SLC39A11: variants seen among roughly 807,000 people sequenced by gnomAD.
The protein encoded by SLC39A11 is zinc transporter ZIP11.
In SLC39A11, 33 loss-of-function variants were observed where a neutral mutation model predicts 36.1. The observed-to-expected ratio is 0.91, with a 90% CI of 0.69 to 1.22. The LOEUF (loss-of-function observed/expected upper bound fraction) is 1.22. Ranked by LOEUF, SLC39A11 falls within the 50% of genes most tolerant of loss-of-function variation. SLC39A11 has a pLI of 0.00. For synonymous variants in SLC39A11, 166 were observed against 170.3 expected, an observed-to-expected ratio of 0.97 and a Z score of 0.20; for missense variants, 432 against 430.3, an observed-to-expected ratio of 1.00 and a Z score of -0.03.
chr17:73,055,360 T>C (rs2059631229), intron 3 of SLC39A11, among the ~76,000 whole-genome samples: 1 of 152,016 alleles, frequency 6.6e-6, no homozygotes, highest in Non-Finnish European at 1.5e-5. Context: ...TCTGCACAAT[T>C]GAGTCTCACC....
At chr17:73,003,231 C>T (rs1204473256) in intron 4 of SLC39A11, among the ~76,000 whole-genome samples, 1 of 152,180 alleles carries the variant, frequency 6.6e-6, no homozygotes, top group African/African-American at 2.4e-5. Context: ...TCAAAACTTA[C>T]AGTGGAAGAG....
chr17:72,941,875 T>A (rs1197866744), intron 5 of SLC39A11, among the ~76,000 whole-genome samples: 1 of 150,686 alleles, frequency 6.6e-6, no homozygotes, highest in East Asian at 1.9e-4. Context: ...TTTATTTATT[T>A]ATTTATTTAT....
chr17:72,736,819 C>T (rs951694864), intron 6 of SLC39A11, 100 bp from the exon 7 acceptor site: 77 of 980,888 alleles, frequency 7.9e-5, no homozygotes, highest in Non-Finnish European at 1.2e-4. Context: ...CATGAGGCTG[C>T]CAGTCAAAGA....
intron 5 of SLC39A11, among the ~76,000 whole-genome samples, chr17:72,899,607 C>T (rs555885089): frequency 5.3e-5 from 8 of 152,192 alleles, no homozygotes; most frequent in East Asian, 1.9e-4. Flanking sequence ...GGCAAATCAA[C>T]GAACTGGGGA....
chr17:72,951,312 T>A (rs1039823238), intron 4 of SLC39A11, among the ~76,000 whole-genome samples: 1 of 149,360 alleles, frequency 6.7e-6, no homozygotes, highest in Non-Finnish European at 1.5e-5. Context: ...GAGCTTCAGA[T>A]ACCTGCTTTA....
At chr17:72,650,042 A>G (rs983345280) in intron 7 of SLC39A11, among the ~76,000 whole-genome samples, 2 of 152,248 alleles carry the variant, frequency 1.3e-5, no homozygotes, top group East Asian at 3.8e-4. Context: ...CAGCACAGAA[A>G]TGAGTATATC....
chr17:73,032,299 C>G (rs190058696), intron 3 of SLC39A11, among the ~76,000 whole-genome samples: 1 of 151,898 alleles, frequency 6.6e-6, no homozygotes, highest in Non-Finnish European at 1.5e-5. Flanking sequence ...CTCCACCTCC[C>G]GGGTTCAAGT....
At chr17:72,706,578 C>T (rs889460064) in intron 7 of SLC39A11, among the ~76,000 whole-genome samples, 3 of 152,236 alleles carry the variant, frequency 2.0e-5, no homozygotes, top group Non-Finnish European at 4.4e-5. Flanking sequence ...TGTTGGTAAA[C>T]AGACCCAAGG....
intron 6 of SLC39A11, among the ~76,000 whole-genome samples, chr17:72,739,819 C>G (rs2074596095): frequency 6.6e-6 from 1 of 152,106 alleles, no homozygotes. Context: ...GACCCTTGAA[C>G]AATGCAGGGA....
intron 6 of SLC39A11, among the ~76,000 whole-genome samples, chr17:72,788,125 A>T (rs1168585196): frequency 6.6e-6 from 1 of 152,202 alleles, no homozygotes; most frequent in Non-Finnish European, 1.5e-5. Flanking sequence ...GCATTTAATA[A>T]GTCAGGTAGC....
At chr17:72,853,800 T>C (rs1304770805) in intron 5 of SLC39A11, among the ~76,000 whole-genome samples, 2 of 152,208 alleles carry the variant, frequency 1.3e-5, no homozygotes, top group South Asian at 2.1e-4. Flanking sequence ...ATGAATCTTC[T>C]TGCCGCTCCT....
chr17:72,809,199 T>TTCTCTCTCTCTCTCTCTCTCTCTC (rs66472539), intron 6 of SLC39A11, among the ~76,000 whole-genome samples: 37 of 102,194 alleles, frequency 3.6e-4, no homozygotes, highest in Non-Finnish European at 7.3e-4. Context: ...TTTCTTTTCT[T>TTCTCTCTCTCTCTCTCTCTCTCTC]TCTCTCTCTC....
At chr17:72,929,243 G>A (rs1266881861) in intron 5 of SLC39A11, among the ~76,000 whole-genome samples, 1 of 152,098 alleles carries the variant, frequency 6.6e-6, no homozygotes, top group East Asian at 1.9e-4. Flanking sequence ...AAGTGTCTGG[G>A]GCATTTCTGC....
chr17:72,769,816 T>C (rs542223884), intron 6 of SLC39A11, among the ~76,000 whole-genome samples: 2 of 152,330 alleles, frequency 1.3e-5, no homozygotes, highest in Admixed American at 1.3e-4. Flanking sequence ...GTGCTGGGAT[T>C]ACACCGAGCC....
chr17:72,892,247 A>G lies in SLC39A11; in HGVS notation c.431-42443T>C, dbSNP rs545991296. Among the ~76,000 whole-genome samples, 116 of 105,308 alleles carry G rather than the reference A, an allele frequency of 1.1e-3. 1 individual carries two copies. The highest frequency in any genetic ancestry group is 6.1e-3 in the African/African-American group (112 of 18,452). The allele number at this position is 105,308 out of a possible 152,430, so 69.1% of individuals were successfully genotyped here. On this transcript the variant is annotated intron_variant, in intron 5 of 9. Coordinates refer to ENST00000255559, the MANE Select transcript of SLC39A11 (RefSeq NM_139177.4). ...ACATGGTGAAACCCTGTCTCTACTA[A>G]AAGTAAAAAAAAATTAGTCAGGTGT...
At chr17:72,812,831 G>A (rs1296387727) in intron 6 of SLC39A11, among the ~76,000 whole-genome samples, 1 of 152,144 alleles carries the variant, frequency 6.6e-6, no homozygotes, top group African/African-American at 2.4e-5. Flanking sequence ...GCTTGGGGGG[G>A]TTTAGTTTTC....
intron 3 of SLC39A11, among the ~76,000 whole-genome samples, chr17:73,076,678 A>C (rs1394621944): frequency 6.6e-6 from 1 of 152,212 alleles, no homozygotes; most frequent in Non-Finnish European, 1.5e-5. Context: ...ACAGGATGGC[A>C]CATTTCACTG....
intron 3 of SLC39A11, among the ~76,000 whole-genome samples, chr17:73,077,654 A>G (rs183702100): frequency 9.0e-4 from 137 of 152,242 alleles, no homozygotes; most frequent in Non-Finnish European, 1.6e-3. Context: ...AAAGTAAATC[A>G]TTTCTTTCTG....
rs143015908 is a variant in SLC39A11, at chr17:73,088,664, C to T, written c.101G>A (p.Ser34Asn). 7.1e-5 allele frequency: 114 copies of T among 1,611,654 alleles called. No individual in the cohort carries two copies. The African/African-American group carries it at 1.3e-3, about 19-fold the overall frequency. The change falls in exon 2 of 10, where the codon AGT (serine) becomes AAT (asparagine). Residue 34 changes from serine to asparagine, a missense_variant. Transcript: ENST00000255559. ...AGAALVFVFS[S>N]GQRRILDGSL... ...CAAAGCAAGGCAACTCACCTGTCCA[C>T]TAGAGAATACGAACACGAGAGCTGC... is the stretch of plus-strand genomic sequence containing the variant.
Sources: gnomAD v4.1 joint callset for allele counts (sites outside exome capture counted in the v4.1 genomes callset) on GRCh38, gnomAD v4.1.1 for gene constraint, MANE v1.5 for transcripts, NCBI Gene and HGNC (gene_info 2026-07-23, HGNC 2026-07-21) for gene names.